ZNF529: variants seen among roughly 807,000 people sequenced by gnomAD.
The protein encoded by ZNF529 is zinc finger protein 529.
In ZNF529, 11 loss-of-function variants were observed where a neutral mutation model predicts 10.1. The ratio of observed to expected loss-of-function variants is 1.09; its 90% CI spans 0.69 to 1.81. The LOEUF is 1.81. Ranked by LOEUF, ZNF529 falls within the 40% of genes most tolerant of loss-of-function variation. The probability of loss-of-function intolerance (pLI) is 0.00; values close to 1 mark genes in which losing one functional copy is unlikely to be tolerated. For missense variants in ZNF529, 624 were observed against 666.8 expected, an observed-to-expected ratio of 0.94 and a Z score of 0.71; for synonymous variants, 204 against 215.7, an observed-to-expected ratio of 0.95 and a Z score of 0.47.
intron 2 of ZNF529, among the ~76,000 whole-genome samples, chr19:36,571,581 A>T (rs1260321100): frequency 6.6e-6 from 1 of 151,844 alleles, no homozygotes; most frequent in Non-Finnish European, 1.5e-5. Flanking sequence ...AGGCTGAGGC[A>T]GGAGACTCAC....
At chr19:36,576,311 G>C (rs1259773977), upstream of ZNF529, among the ~76,000 whole-genome samples, 1 of 152,140 alleles carries the variant, frequency 6.6e-6, no homozygotes, top group African/African-American at 2.4e-5. Flanking sequence ...CTGAGCATTT[G>C]CCTACCATGA....
intron 2 of ZNF529, among the ~76,000 whole-genome samples, chr19:36,570,360 CAAAAAA>C (rs58429405): frequency 1.4e-5 from 1 of 70,584 alleles, no homozygotes; most frequent in Non-Finnish European, 2.8e-5. Flanking sequence ...GACCCTATCT[CAAAAAA>C]AAAAAAAAAA....
At position 36,550,151 on chromosome 19, in the gene ZNF529, G is replaced by T. The variant is rs557711056; in HGVS notation, c.236-1829C>A. Among the ~76,000 whole-genome samples, 78 of 152,304 alleles carry T rather than the reference G, an allele frequency of 5.1e-4. 1 individual carries two copies. Among genetic ancestry groups the T allele is most frequent in the Admixed American group, 5.0e-3 (77 of 15,304 alleles). ...TCTGTGACTTAATTATGTATAAGAT[G>T]AAATAATGCAGGCATCAATATCTGA... is the stretch of plus-strand genomic sequence containing the variant. On this transcript the variant is annotated intron_variant, in intron 4 of 4. Transcript: ENST00000591340.
In ZNF529 at chr19:36,546,651, A is replaced by G. The variant is rs1223380182; in HGVS notation, c.*215T>C. 2.2e-6 allele frequency: 1 copy of G among 448,664 alleles called. No individual in the cohort carries two copies. Among genetic ancestry groups the G allele is most frequent in the Admixed American group, 3.9e-5 (1 of 25,386 alleles). The allele number at this position is 448,664 out of a possible 1,614,324, so 27.8% of individuals were successfully genotyped here. On this transcript the variant is annotated 3_prime_UTR_variant, in exon 5 of 5. Transcript: ENST00000591340. ...AGAAACTCATGAAAAAAACTTTTTA[A>G]CATAAAAAGGAGAAATATTTGGCAA... is the stretch of plus-strand genomic sequence containing the variant.
At position 36,555,250 on chromosome 19, in the gene ZNF529, C is replaced by T. The variant is rs575479500; in HGVS notation, c.109-454G>A. Among the ~76,000 whole-genome samples the T allele has an allele frequency of 2.0e-5, 3 of 152,144 alleles. No individual in the cohort carries two copies. In the South Asian group the frequency reaches 6.2e-4, roughly 32 times the overall value. ...TTCATTACTATGTGACATATTATTT[C>T]ACATTATATAATAACAATTATTACT... On this transcript the variant is annotated intron_variant, in intron 3 of 4. Transcript: ENST00000591340.
Position 36,547,007 on chromosome 19 carries a change from A to C in ZNF529, c.1551T>G (p.His517Gln). ...ECKACGKAFR[H>Q]SSSFTKHQRI... ...GCTGATGTTTGGTAAAGGATGAACT[A>C]TGTCTAAAGGCCTTCCCACATGCCT... Residue 517 changes from histidine (H) to glutamine (Q), a missense_variant, in exon 5 of 5, where the codon CAT (histidine) becomes CAG (glutamine). Coordinates refer to ENST00000591340, the MANE Select transcript of ZNF529 (RefSeq NM_020951.5). 6.2e-7 allele frequency: 1 copy of C among 1,613,888 alleles called. No individual in the cohort carries two copies. Among genetic ancestry groups the C allele is most frequent in the Non-Finnish European group, 8.5e-7 (1 of 1,179,908 alleles).
chr19:36,581,367 G>A (rs1446124526), intron 2 of ZNF529: 1 of 152,088 alleles, frequency 6.6e-6, no homozygotes, highest in African/African-American at 2.4e-5. Context: ...AAAATTGGAA[G>A]GATACAGCTA....
intron 1 of ZNF529, among the ~76,000 whole-genome samples, chr19:36,572,861 A>T (rs1328799960): frequency 6.6e-6 from 1 of 152,042 alleles, no homozygotes; most frequent in Non-Finnish European, 1.5e-5. Flanking sequence ...GAGTCGGAAA[A>T]ATGACGCTTT....
intron 2 of ZNF529, among the ~76,000 whole-genome samples, chr19:36,561,758 T>C (rs960308614): frequency 2.6e-5 from 4 of 152,182 alleles, no homozygotes; most frequent in Non-Finnish European, 4.4e-5. Context: ...ACCAAAGCCA[T>C]GGTGGCAGGG....
chr19:36,577,280 A>G (rs1568608918), upstream of ZNF529: 2 of 402,234 alleles, frequency 5.0e-6, no homozygotes, highest in Non-Finnish European at 5.0e-6. Context: ...TCGAAGTAGA[A>G]TAGGTAGATC....
chr19:36,576,724 T>TAAG (rs529645107), upstream of ZNF529, among the ~76,000 whole-genome samples: 14 of 150,636 alleles, frequency 9.3e-5, no homozygotes, highest in Admixed American at 7.9e-4. Flanking sequence ...CTCAAAATAA[T>TAAG]AATAATAATA....
At chr19:36,602,102 C>T (rs1202852826) in intron 1 of ZNF529, among the ~76,000 whole-genome samples, 1 of 147,634 alleles carries the variant, frequency 6.8e-6, no homozygotes, top group Admixed American at 6.9e-5. Context: ...GGCTAGAGTG[C>T]AGTGGCGCGA....
At chr19:36,590,556 G>A (rs949282469) in intron 1 of ZNF529, among the ~76,000 whole-genome samples, 1 of 151,932 alleles carries the variant, frequency 6.6e-6, no homozygotes. Flanking sequence ...CAGAAGAAAG[G>A]AAATAAGATG....
chr19:36,600,918 C>T (rs527871084), intron 1 of ZNF529, among the ~76,000 whole-genome samples: 1 of 152,132 alleles, frequency 6.6e-6, no homozygotes, highest in Non-Finnish European at 1.5e-5. Flanking sequence ...AGTTCACAAG[C>T]CATACAAAAA....
In ZNF529 at chr19:36,544,672, AG is replaced by A. The variant is rs1196847861; in HGVS notation, c.*2193del. 6.6e-6 allele frequency: 1 copy of A among 152,214 alleles called. No individual in the cohort carries two copies. Among genetic ancestry groups the A allele is most frequent in the Non-Finnish European group, 1.5e-5 (1 of 68,028 alleles). 9.4% of individuals were successfully genotyped at this position (152,214 alleles called of 1,614,324 possible). A position where few individuals can be genotyped will look rare whatever the true frequency, so the allele number is the denominator to read the frequency against. On this transcript the variant is annotated 3_prime_UTR_variant, in exon 5 of 5. Transcript: ENST00000591340. Reference sequence around the variant, plus strand: ...TGAAATAGCAAATATCCTGACAAAAAGGTTAACATACTCTTGTTCTTACTGT... The same window carrying A: ...TGAAATAGCAAATATCCTGACAAAAAGTTAACATACTCTTGTTCTTACTGT...
At chr19:36,602,146 C>T (rs2145297913) in intron 1 of ZNF529, among the ~76,000 whole-genome samples, 1 of 151,676 alleles carries the variant, frequency 6.6e-6, no homozygotes, top group East Asian at 2.0e-4. Flanking sequence ...CTCCCAGGTT[C>T]AAGCAATTCT....
Position 36,548,082 on chromosome 19 carries a change from G to A in ZNF529, c.476C>T (p.Thr159Ile). 3.1e-6 allele frequency: 5 copies of A among 1,613,854 alleles called. No homozygotes were observed. Among genetic ancestry groups the A allele is most frequent in the Non-Finnish European group, 4.2e-6 (5 of 1,179,846 alleles). Reference protein sequence around the residue: ...VPSYKTHESLTLPRRTHDSEK... With the variant: ...VPSYKTHESLILPRRTHDSEK... The stretch of plus-strand genomic sequence containing the variant: ...ACTGTCATGAGTTCTCCGAGGTAAA[G>A]TAAGAGATTCATGAGTTTTGTAACT... Residue 159 changes from threonine to isoleucine, a missense_variant, in exon 5 of 5, where the codon ACT becomes ATT. Thr to Ile is a moderately conservative substitution (Grantham distance 89). Transcript: ENST00000591340.
intron 2 of ZNF529, among the ~76,000 whole-genome samples, chr19:36,578,604 T>C (rs2036393365): frequency 6.6e-6 from 1 of 150,596 alleles, no homozygotes; most frequent in Non-Finnish European, 1.5e-5. Context: ...TGCACTCCAC[T>C]GGGGGAGAAT....
chr19:36,574,624 A>G (rs1468809338), upstream of ZNF529, among the ~76,000 whole-genome samples: 1 of 152,186 alleles, frequency 6.6e-6, no homozygotes, highest in African/African-American at 2.4e-5. Flanking sequence ...GTTTCAAAGC[A>G]GAGACAGCCA....
Sources: gnomAD v4.1 joint callset for allele counts (sites outside exome capture counted in the v4.1 genomes callset) on GRCh38, gnomAD v4.1.1 for gene constraint, MANE v1.5 for transcripts, NCBI Gene and HGNC (gene_info 2026-07-23, HGNC 2026-07-21) for gene names.